The following SPAG16 variants were observed in gnomAD, a reference collection of about 807,000 sequenced individuals.
The protein encoded by SPAG16 is sperm-associated antigen 16 protein.
SPAG16 carries 86 observed loss-of-function variants against 80.4 expected under a neutral mutation model. That is an observed-to-expected ratio of 1.07 (90% confidence interval 0.90 to 1.28). The LOEUF is 1.28. Among genes scored for constraint, SPAG16 ranks in the 50% most tolerant of loss-of-function variants. The pLI, the probability that SPAG16 is intolerant of heterozygous loss-of-function variation, is 0.00. For missense variants in SPAG16, 870 were observed against 765.3 expected (o/e 1.14, Z -1.61); for synonymous variants, 294 against 265.9 (o/e 1.11, Z -1.03).
chr2:213,906,623 A>G (rs12477416), intron 11 of SPAG16, among the ~76,000 whole-genome samples: 36,379 of 152,182 alleles, frequency 0.24, 4,960 homozygotes, highest in South Asian at 0.37. Context: ...TATACTACAA[A>G]GCTATAGTAA....
intron 15 of SPAG16, among the ~76,000 whole-genome samples, chr2:214,278,561 CCTT>C (rs1394685594): frequency 6.6e-6 from 1 of 152,110 alleles, no homozygotes; most frequent in Non-Finnish European, 1.5e-5. Flanking sequence ...CTGATCTAGT[CCTT>C]CTATAAAGAG....
At chr2:213,860,449 GTATATATATACAGATATATCTATCT>G (rs2075391522) in intron 10 of SPAG16, among the ~76,000 whole-genome samples, 1 of 119,310 alleles carries the variant, frequency 8.4e-6, no homozygotes, top group South Asian at 2.9e-4. Context: ...ATAGATATAT[GTATATATATACAGATATATCTATCT>G]ATATATATAT....
intron 11 of SPAG16, among the ~76,000 whole-genome samples, chr2:213,923,283 TG>T (rs2078308435): frequency 6.6e-6 from 1 of 152,206 alleles, no homozygotes; most frequent in African/African-American, 2.4e-5. Context: ...GTGGAACTGC[TG>T]GGCCAAAAGC....
At chr2:213,482,959 G>T (rs929189704) in intron 9 of SPAG16, among the ~76,000 whole-genome samples, 1 of 152,102 alleles carries the variant, frequency 6.6e-6, no homozygotes, top group African/African-American at 2.4e-5. Flanking sequence ...ATTTGAATAT[G>T]CAGAAATGAA....
intron 11 of SPAG16, among the ~76,000 whole-genome samples, chr2:213,920,486 C>G (rs11904549): frequency 0.59 from 88,987 of 152,110 alleles, 27,847 homozygotes; most frequent in South Asian, 0.84. Context: ...TGTGGTGGCT[C>G]TGGGCCTGGA....
chr2:214,020,096 T>C lies in SPAG16; in HGVS notation c.1527+6019T>C, dbSNP rs1024534986. Among the ~76,000 whole-genome samples, 28 of 152,110 alleles carry C rather than the reference T, an allele frequency of 1.8e-4. 2 individuals carry two copies. The highest frequency in any genetic ancestry group is 1.8e-3 in the Admixed American group (27 of 15,250). ...AATCTGATTGGGTGGGTACCATTAT[T>C]ATCTTTATTTCACAACTGAGAAAGT... On this transcript the variant is annotated intron_variant, in intron 13 of 15. Transcript: ENST00000331683.
In SPAG16 at chr2:213,468,504, GAT is replaced by G. The variant is rs1198735373; in HGVS notation, c.943-21448_943-21447del. 1.9e-3 allele frequency among the ~76,000 whole-genome samples: 111 copies of G among 58,570 alleles called. 4 individuals are homozygous for G. The highest frequency in any genetic ancestry group is 0.026 in the Middle Eastern group (2 of 78). The allele number at this position is 58,570 out of a possible 152,430, so 38.4% of individuals were successfully genotyped here. ...AGATATATATATGTATTTATATATAGATATATATATATCTATGTATTTATATA... is the reference window on the plus strand; with the variant it reads ...AGATATATATATGTATTTATATATAGATATATATATCTATGTATTTATATA... On this transcript the variant is annotated intron_variant, in intron 9 of 15. Transcript: ENST00000331683.
intron 8 of SPAG16, among the ~76,000 whole-genome samples, chr2:213,367,495 A>G (rs1425258704): frequency 6.6e-6 from 1 of 152,268 alleles, no homozygotes; most frequent in Non-Finnish European, 1.5e-5. Flanking sequence ...CTGGTGTGAG[A>G]TGGTATCTCA....
At chr2:214,081,795 C>G (rs1244425830) in intron 13 of SPAG16, among the ~76,000 whole-genome samples, 2 of 152,056 alleles carry the variant, frequency 1.3e-5, no homozygotes, top group Non-Finnish European at 2.9e-5. Context: ...TAAAATTTGC[C>G]TCACATTGCA....
At chr2:213,537,167 TG>T (rs1290038594) in intron 10 of SPAG16, among the ~76,000 whole-genome samples, 1 of 68,418 alleles carries the variant, frequency 1.5e-5, no homozygotes, top group East Asian at 6.0e-4. Context: ...TGTTGCGGGG[TG>T]GGGGGAGGGG....
intron 10 of SPAG16, among the ~76,000 whole-genome samples, chr2:213,685,652 G>A (rs1197130600): frequency 6.6e-6 from 1 of 152,194 alleles, no homozygotes; most frequent in Non-Finnish European, 1.5e-5. Context: ...AGAGAGGATA[G>A]AACAATAGGC....
intron 15 of SPAG16, among the ~76,000 whole-genome samples, chr2:214,173,977 C>T (rs1158030088): frequency 1.3e-5 from 2 of 151,884 alleles, no homozygotes; most frequent in Admixed American, 6.6e-5. Flanking sequence ...ACAAAAACCA[C>T]ATGATTATCT....
intron 10 of SPAG16, among the ~76,000 whole-genome samples, chr2:213,757,434 T>C (rs1035729989): frequency 6.6e-6 from 1 of 152,112 alleles, no homozygotes; most frequent in Admixed American, 6.6e-5. Context: ...GGTCCTGCAC[T>C]TCCTGACTTC....
chr2:213,950,134 T>A (rs545067562), intron 12 of SPAG16, among the ~76,000 whole-genome samples: 45 of 152,344 alleles, frequency 3.0e-4, no homozygotes, highest in African/African-American at 1.1e-3. Context: ...TAATATATTC[T>A]AGCTAGAATT....
intron 10 of SPAG16, among the ~76,000 whole-genome samples, chr2:213,812,635 AG>A (rs921658175): frequency 2.0e-5 from 3 of 152,170 alleles, no homozygotes; most frequent in African/African-American, 7.2e-5. Context: ...AGAACATGCT[AG>A]GATTTTTTTT....
intron 15 of SPAG16, among the ~76,000 whole-genome samples, chr2:214,326,273 G>A (rs1290394631): frequency 3.3e-5 from 5 of 152,202 alleles, no homozygotes; most frequent in Non-Finnish European, 7.3e-5. Flanking sequence ...AGCAGATACT[G>A]GAGTGATGCA....
chr2:213,700,063 G>C (rs1474578901), intron 10 of SPAG16, among the ~76,000 whole-genome samples: 3 of 151,950 alleles, frequency 2.0e-5, no homozygotes, highest in Non-Finnish European at 4.4e-5. Flanking sequence ...TTCTCTTTGT[G>C]GTAATATATT....
chr2:213,961,739 A>T (rs1397031946), intron 12 of SPAG16, among the ~76,000 whole-genome samples: 1 of 151,932 alleles, frequency 6.6e-6, no homozygotes, highest in Non-Finnish European at 1.5e-5. Flanking sequence ...CTCACTGTTC[A>T]TTGTGTATAA....
At chr2:213,728,388 T>G (rs1472280914) in intron 10 of SPAG16, among the ~76,000 whole-genome samples, 3 of 152,060 alleles carry the variant, frequency 2.0e-5, no homozygotes, top group Non-Finnish European at 4.4e-5. Context: ...GTGGTTATTA[T>G]TTTCACCAGT....
Sources: allele counts gnomAD v4.1 joint callset (sites outside exome capture counted in the v4.1 genomes callset), GRCh38; gene constraint gnomAD v4.1.1; transcripts MANE v1.5; gene names NCBI Gene and HGNC (gene_info 2026-07-23, HGNC 2026-07-21).